GMEB1: variants seen among roughly 807,000 people sequenced by gnomAD.
GMEB1 encodes the protein glucocorticoid modulatory element-binding protein 1.
In GMEB1, 6 loss-of-function variants were observed where a neutral mutation model predicts 52.4. The observed-to-expected ratio is 0.11, with a 90% confidence interval of 0.06 to 0.23. GMEB1 has a LOEUF of 0.23. Among genes scored for constraint, GMEB1 ranks in the 10% least tolerant of loss-of-function variants. The probability of loss-of-function intolerance (pLI) is 1.00; values close to 1 mark genes in which losing one functional copy is unlikely to be tolerated. For missense variants in GMEB1, 486 were observed against 685.6 expected (o/e 0.71, Z 3.25); for synonymous variants, 255 against 244.9 (o/e 1.04, Z -0.38).
At chr1:28,677,127 T>A (rs1225056989) in intron 1 of GMEB1, among the ~76,000 whole-genome samples, 1 of 152,180 alleles carries the variant, frequency 6.6e-6, no homozygotes, top group African/African-American at 2.4e-5. Context: ...TTGAATTTTG[T>A]GTTTAGACTT....
intron 5 of GMEB1, among the ~76,000 whole-genome samples, chr1:28,696,041 A>ATTAT (rs1670193370): frequency 7.3e-6 from 1 of 136,080 alleles, no homozygotes; most frequent in Admixed American, 7.6e-5. Context: ...CTTTATTTTT[A>ATTAT]TTGTTTGTTT....
intron 9 of GMEB1, among the ~76,000 whole-genome samples, chr1:28,711,286 CA>C (rs372935027): frequency 9.8e-4 from 81 of 82,682 alleles, no homozygotes; most frequent in Non-Finnish European, 9.2e-4. Flanking sequence ...GACTCTGTCT[CA>C]AAAAAAAAAA....
chr1:28,687,355 C>G (rs1570398545), intron 2 of GMEB1, among the ~76,000 whole-genome samples: 1 of 43,634 alleles, frequency 2.3e-5, no homozygotes, highest in South Asian at 9.6e-4. Flanking sequence ...CACACACACA[C>G]ACACACACAC....
intron 4 of GMEB1, among the ~76,000 whole-genome samples, chr1:28,692,378 A>G (rs770502436): frequency 2.0e-5 from 3 of 152,096 alleles, no homozygotes; most frequent in Non-Finnish European, 4.4e-5. Context: ...CTAAAAATAC[A>G]AAAATTAGCT....
At chr1:28,711,930 A>T (rs572231490) in intron 9 of GMEB1, among the ~76,000 whole-genome samples, 2 of 152,244 alleles carry the variant, frequency 1.3e-5, no homozygotes, top group East Asian at 3.9e-4. Context: ...ATAGCATCAG[A>T]TCACACAGGT....
At chr1:28,671,330 C>A (rs1668875124) in intron 1 of GMEB1, among the ~76,000 whole-genome samples, 1 of 151,990 alleles carries the variant, frequency 6.6e-6, no homozygotes, top group Admixed American at 6.6e-5. Flanking sequence ...GAGTGCATTG[C>A]GGGATCTCAG....
intron 6 of GMEB1, among the ~76,000 whole-genome samples, chr1:28,698,389 A>AG (rs1670328831): frequency 6.6e-6 from 1 of 151,602 alleles, no homozygotes; most frequent in Non-Finnish European, 1.5e-5. Flanking sequence ...AAAAAAAAAA[A>AG]AGAAGCCTGG....
chr1:28,695,989 G>C (rs559850192), intron 5 of GMEB1, among the ~76,000 whole-genome samples: 1 of 139,880 alleles, frequency 7.1e-6, no homozygotes, highest in African/African-American at 2.7e-5. Flanking sequence ...CAGATGATTT[G>C]TATGCAGAAA....
chr1:28,695,965 AAAAAAAAAAT>A (rs1670187184), intron 5 of GMEB1, among the ~76,000 whole-genome samples: 1 of 134,418 alleles, frequency 7.4e-6, no homozygotes, highest in African/African-American at 2.7e-5. Flanking sequence ...AAAAAAAAAA[AAAAAAAAAAT>A]TTTCAGATGA....
At chr1:28,698,434 G>C (rs570734655) in intron 6 of GMEB1, among the ~76,000 whole-genome samples, 1 of 151,876 alleles carries the variant, frequency 6.6e-6, no homozygotes, top group African/African-American at 2.4e-5. Context: ...CCAGCACTTT[G>C]GGAGGCCAAA....
At chr1:28,710,698 C>T in intron 9 of GMEB1, 56 bp downstream of exon 9, 2 of 1,283,106 alleles carry the variant, frequency 1.6e-6, no homozygotes, top group African/African-American at 1.5e-5. Flanking sequence ...TCTTGTCTTC[C>T]CATTTTCTTG....
chr1:28,687,609 G>T (rs1459758737), intron 2 of GMEB1, among the ~76,000 whole-genome samples: 1 of 151,746 alleles, frequency 6.6e-6, no homozygotes, highest in Non-Finnish European at 1.5e-5. Context: ...AGGAGAGAGG[G>T]TGTTTGAGGG....
chr1:28,704,060 CCT>C, intron 7 of GMEB1, 130 bp from the exon 8 acceptor site: 1 of 838,952 alleles, frequency 1.2e-6, no homozygotes, highest in Non-Finnish European at 1.8e-6. Flanking sequence ...AAGCTTATTC[CCT>C]TTTTTCAGGA....
chr1:28,688,016 G>A (rs1669767898), intron 2 of GMEB1, among the ~76,000 whole-genome samples: 1 of 152,150 alleles, frequency 6.6e-6, no homozygotes, highest in African/African-American at 2.4e-5. Context: ...TGGGCACGGT[G>A]GCTCACGCCT....
chr1:28,683,834 A>T (rs1669507114), intron 2 of GMEB1, 94 bp downstream of exon 2: 2 of 1,165,124 alleles, frequency 1.7e-6, no homozygotes, highest in Non-Finnish European at 2.5e-6. Context: ...ACAATGGAAC[A>T]TTTAACATCA....
At chr1:28,704,008 G>A (rs188693282) in intron 7 of GMEB1, among the ~76,000 whole-genome samples, 184 bp from the exon 8 acceptor site, 7 of 152,060 alleles carry the variant, frequency 4.6e-5, no homozygotes, top group African/African-American at 1.4e-4. Flanking sequence ...CTGAAGGGGC[G>A]ACATAATTGG....
At position 28,717,906 on chromosome 1, in the gene GMEB1, AT is replaced by A. The variant is rs1399610390; in HGVS notation, c.*3134del. On this transcript the variant is annotated 3_prime_UTR_variant, in exon 10 of 10. Transcript: ENST00000373816. ...AGGGTTTTAAGGTCGTGTGTGCATC[AT>A]GCTTCCAATGTCAAGAGATTTCCTC... 6.6e-6 allele frequency: 1 copy of A among 152,164 alleles called. No homozygotes were observed. The highest frequency in any genetic ancestry group is 1.5e-5 in the Non-Finnish European group (1 of 68,036). 9.4% of individuals were successfully genotyped at this position (152,164 alleles called of 1,614,324 possible). A position where few individuals can be genotyped will look rare whatever the true frequency, so the allele number is the denominator to read the frequency against.
chr1:28,673,621 A>T (rs1669004087), intron 1 of GMEB1, among the ~76,000 whole-genome samples: 2 of 152,318 alleles, frequency 1.3e-5, no homozygotes, highest in Middle Eastern at 3.4e-3. Context: ...CAGGACACAC[A>T]AAAATGAATT....
chr1:28,704,161 T>C, intron 7 of GMEB1, 31 bp from the exon 8 acceptor site: 1 of 1,579,772 alleles, frequency 6.3e-7, no homozygotes, highest in Non-Finnish European at 8.6e-7. Context: ...GTGTCTCTTT[T>C]TTACCCTCTG....
Sources: gnomAD v4.1 joint callset for allele counts (sites outside exome capture counted in the v4.1 genomes callset) on GRCh38, gnomAD v4.1.1 for gene constraint, MANE v1.5 for transcripts, NCBI Gene and HGNC (gene_info 2026-07-23, HGNC 2026-07-21) for gene names.